SCN3A: variants seen among roughly 807,000 people sequenced by gnomAD.
SCN3A encodes sodium voltage-gated channel alpha subunit 3.
In SCN3A, 60 loss-of-function variants were observed where a neutral mutation model predicts 187.6. The observed-to-expected ratio is 0.32, with a 90% CI of 0.26 to 0.40. The LOEUF is 0.40. Ranked by LOEUF, SCN3A falls within the 10% of genes least tolerant of loss-of-function variation. The pLI, the probability that SCN3A is intolerant of heterozygous loss-of-function variation, is 1.00. For missense variants in SCN3A, 1,601 were observed against 2,428.2 expected, an observed-to-expected ratio of 0.66 and a Z score of 7.16; for synonymous variants, 788 against 829.2, an observed-to-expected ratio of 0.95 and a Z score of 0.85.
At chr2:165,176,547 C>A in intron 2 of SCN3A, 103 bp from the exon 3 acceptor site, 1 of 848,610 alleles carries the variant, frequency 1.2e-6, no homozygotes, top group Non-Finnish European at 1.9e-6. Context: ...AAGCTATAAA[C>A]ATTAAGTCAT....
chr2:165,180,337 TTA>T (rs1280619330), intron 2 of SCN3A, among the ~76,000 whole-genome samples: 3 of 152,208 alleles, frequency 2.0e-5, no homozygotes, highest in African/African-American at 7.2e-5. Flanking sequence ...AGGCAGATTT[TTA>T]TACAGATAAT....
intron 9 of SCN3A, among the ~76,000 whole-genome samples, chr2:165,159,014 C>T (rs1374835563): frequency 7.3e-6 from 1 of 137,766 alleles, no homozygotes; most frequent in Non-Finnish European, 1.5e-5. Flanking sequence ...TGTAAGAAAC[C>T]GCCAAACTGT....
intron 11 of SCN3A, among the ~76,000 whole-genome samples, chr2:165,150,811 T>C (rs1456794184): frequency 6.6e-6 from 1 of 152,216 alleles, no homozygotes; most frequent in Non-Finnish European, 1.5e-5. Context: ...CTTCTTTTAT[T>C]AATGATAATA....
chr2:165,117,976 T>C (rs548942326), intron 18 of SCN3A, among the ~76,000 whole-genome samples: 224 of 152,294 alleles, frequency 1.5e-3, no homozygotes, highest in African/African-American at 5.0e-3. Context: ...TACAAATACA[T>C]ACATATTTAA....
chr2:165,173,446 C>T (rs985620760), intron 3 of SCN3A, among the ~76,000 whole-genome samples: 2 of 152,074 alleles, frequency 1.3e-5, no homozygotes, highest in African/African-American at 4.8e-5. Flanking sequence ...CTCACTGGTT[C>T]ACTATATAGT....
chr2:165,115,972 CA>C (rs1482486791), intron 18 of SCN3A, among the ~76,000 whole-genome samples: 1 of 152,086 alleles, frequency 6.6e-6, no homozygotes, highest in Non-Finnish European at 1.5e-5. Flanking sequence ...TACATCAAAT[CA>C]AATTTTTAAT....
intron 15 of SCN3A, among the ~76,000 whole-genome samples, chr2:165,133,338 T>A (rs1687467123): frequency 6.6e-6 from 1 of 152,060 alleles, no homozygotes; most frequent in African/African-American, 2.4e-5. Flanking sequence ...CACACGTATG[T>A]TTATTTTCAT....
intron 11 of SCN3A, among the ~76,000 whole-genome samples, chr2:165,152,197 G>A (rs900973280): frequency 3.3e-5 from 5 of 152,126 alleles, no homozygotes; most frequent in Non-Finnish European, 5.9e-5. Context: ...CCATAATAAA[G>A]AGAAAAATTA....
At chr2:165,095,412 T>C (rs1379385418) in intron 25 of SCN3A, 99 bp downstream of exon 25, 1 of 1,241,526 alleles carries the variant, frequency 8.1e-7, no homozygotes, top group East Asian at 2.4e-5. Flanking sequence ...AATATAAACA[T>C]GATTTAAGTC....
intron 27 of SCN3A, 85 bp from the exon 28 acceptor site, chr2:165,091,430 A>G: frequency 1.3e-6 from 2 of 1,503,130 alleles, no homozygotes; most frequent in East Asian, 2.3e-5. Context: ...TATGAACACA[A>G]CAAACTTGTT....
At chr2:165,195,447 T>C (rs1691890135) in intron 1 of SCN3A, 1 of 152,164 alleles carries the variant, frequency 6.6e-6, no homozygotes. Context: ...AGAACAATTT[T>C]AGGTTTACAG....
intron 11 of SCN3A, among the ~76,000 whole-genome samples, chr2:165,153,909 T>G (rs971149521): frequency 4.6e-5 from 7 of 151,004 alleles, no homozygotes; most frequent in Non-Finnish European, 1.0e-4. Flanking sequence ...TCACACAGCC[T>G]TTAATATTAA....
intron 1 of SCN3A, among the ~76,000 whole-genome samples, chr2:165,188,039 C>T (rs770387543): frequency 6.6e-6 from 1 of 152,084 alleles, no homozygotes; most frequent in Non-Finnish European, 1.5e-5. Flanking sequence ...ATAACCAAAA[C>T]ATCAATTTCA....
intron 1 of SCN3A, among the ~76,000 whole-genome samples, chr2:165,202,428 G>T (rs376761879): frequency 1.3e-5 from 2 of 152,006 alleles, no homozygotes; most frequent in Non-Finnish European, 2.9e-5. Context: ...GAGAAGCATG[G>T]TGTGTACAAT....
At chr2:165,193,563 A>T (rs958590055) in intron 1 of SCN3A, among the ~76,000 whole-genome samples, 2 of 152,070 alleles carry the variant, frequency 1.3e-5, no homozygotes, top group Non-Finnish European at 2.9e-5. Context: ...CATGTCTCCT[A>T]CTGCTTGCTG....
Position 165,127,954 on chromosome 2 carries a change from C to A in SCN3A, c.3070G>T (p.Glu1024Ter), listed in dbSNP as rs1553522170. The A allele has an allele frequency of 6.2e-7, 1 of 1,614,080 alleles. No homozygotes were observed. Among genetic ancestry groups the A allele is most frequent in the Non-Finnish European group, 8.5e-7 (1 of 1,180,018 alleles). The change falls in exon 18 of 28, where the codon GAG becomes TAG. Residue 1024 changes from glutamate (E) to a stop codon, truncating the protein, a stop_gained. Coordinates refer to ENST00000283254, the MANE Select transcript of SCN3A (RefSeq NM_006922.4). LOFTEE classifies it high-confidence loss of function. ...GIDYVKNKMR[E>*]CFQKAFFRKP... ...CTAAAAAAGGCTTTTTGGAAACACTCCCGCATCTTATTTTTCACATAATCA... is the reference window on the plus strand; with the variant it reads ...CTAAAAAAGGCTTTTTGGAAACACTACCGCATCTTATTTTTCACATAATCA...
At chr2:165,173,704 C>G (rs895612220) in intron 3 of SCN3A, among the ~76,000 whole-genome samples, 1 of 152,122 alleles carries the variant, frequency 6.6e-6, no homozygotes, top group African/African-American at 2.4e-5. Flanking sequence ...ATAATTAACA[C>G]AGCTTCATAA....
At chr2:165,108,858 C>T (rs11686777) in intron 21 of SCN3A, among the ~76,000 whole-genome samples, 26,271 of 151,948 alleles carry the variant, frequency 0.17, 2,647 homozygotes, top group South Asian at 0.27. Flanking sequence ...TGAAAAAGTG[C>T]TCCTTCTAGT....
At position 165,139,503 on chromosome 2, in the gene SCN3A, C is replaced by A; in HGVS notation, c.2125G>T (p.Ala709Ser). Residue 709 changes from alanine (A) to serine (S), a missense_variant, in exon 14 of 28, where the codon GCC becomes TCC. Ala to Ser is a moderately conservative substitution (Grantham distance 99). Around this residue, in one of 11 missense-constraint regions of SCN3A, gnomAD observed 376 missense variants for 476.0 expected, o/e 0.79. Transcript: ENST00000283254. ...TCCATTGTGTTGGTCAGAATGCTGG[C>A]TATGCTCACGGCTCTTTGCCTTCCA... ...SSGRQRAVSI[A>S]SILTNTMEEL... is the part of the protein sequence containing the mutation. 6.2e-7 allele frequency: 1 copy of A among 1,613,934 alleles called. No homozygotes were observed. Among genetic ancestry groups the A allele is most frequent in the Non-Finnish European group, 8.5e-7 (1 of 1,179,896 alleles).
Sources: allele counts gnomAD v4.1 joint callset (sites outside exome capture counted in the v4.1 genomes callset), GRCh38; gene constraint gnomAD v4.1.1; regional missense constraint gnomAD v4.1.1; transcripts MANE v1.5; gene names NCBI Gene and HGNC (gene_info 2026-07-23, HGNC 2026-07-21).